CREB1: variants seen among roughly 807,000 people sequenced by gnomAD.
CREB1 encodes cAMP responsive element binding protein 1.
Under a neutral mutation model 42.0 loss-of-function variants are expected in CREB1, and 2 were observed. The ratio of observed to expected loss-of-function variants is 0.05; its 90% confidence interval spans 0.02 to 0.15. The LOEUF (loss-of-function observed/expected upper bound fraction) is 0.15, where lower values mean the gene tolerates loss of function less well. Among genes scored for constraint, CREB1 ranks in the 10% least tolerant of loss-of-function variants. The probability of loss-of-function intolerance (pLI) is 1.00; values close to 1 mark genes in which losing one functional copy is unlikely to be tolerated. For missense variants in CREB1, 199 were observed against 388.9 expected, an observed-to-expected ratio of 0.51 and a Z score of 4.11; for synonymous variants, 123 against 139.9, an observed-to-expected ratio of 0.88 and a Z score of 0.85.
intron 2 of CREB1, among the ~76,000 whole-genome samples, chr2:207,558,700 A>G (rs896626167): frequency 6.8e-6 from 1 of 147,996 alleles, no homozygotes; most frequent in African/African-American, 2.5e-5. Context: ...GCTGGAGTGC[A>G]ATGGCGCGAT....
rs2086894144 is a variant in CREB1 at position 207,600,697 on chromosome 2, G to A, written c.*3639G>A. 4.7e-6 allele frequency: 1 copy of A among 211,416 alleles called. No homozygotes were observed. Among genetic ancestry groups the A allele is most frequent in the East Asian group, 7.0e-5 (1 of 14,188 alleles). The allele number at this position is 211,416 out of a possible 1,614,324, so 13.1% of individuals were successfully genotyped here. A position where few individuals can be genotyped will look rare whatever the true frequency, so the allele number is the denominator to read the frequency against. On this transcript the variant is annotated 3_prime_UTR_variant, in exon 8 of 8. Coordinates refer to ENST00000353267, the MANE Select transcript of CREB1 (RefSeq NM_004379.5). The stretch of plus-strand genomic sequence containing the variant: ...AATGTGTTTTGATGGTAGGTCAGCA[G>A]CAGTGCTAGTCTCTGAAAGCACAAT...
intron 3 of CREB1, among the ~76,000 whole-genome samples, chr2:207,565,579 A>T (rs925347733): frequency 6.6e-6 from 1 of 152,074 alleles, no homozygotes; most frequent in Admixed American, 6.6e-5. Flanking sequence ...TTTCATTTCA[A>T]AACTATCCTG....
chr2:207,585,147 C>A (rs1361087959), intron 7 of CREB1, among the ~76,000 whole-genome samples: 8 of 152,158 alleles, frequency 5.3e-5, no homozygotes, highest in Non-Finnish European at 1.2e-4. Flanking sequence ...TCACATTGGC[C>A]ACCCAGAGGC....
chr2:207,589,830 T>C lies in CREB1; in HGVS notation c.840-7084T>C, dbSNP rs73056948. 2.6e-3 allele frequency among the ~76,000 whole-genome samples: 393 copies of C among 152,360 alleles called. 1 individual carries two copies. Among genetic ancestry groups the C allele is most frequent in the African/African-American group, 9.1e-3 (380 of 41,588 alleles). ...CCAATTGGTCATGAAGTATCATTTA[T>C]ACATTGCTGGATTCAATTTGCTAAT... On this transcript the variant is annotated intron_variant, in intron 7 of 7. Coordinates refer to ENST00000353267, the MANE Select transcript of CREB1 (RefSeq NM_004379.5).
intron 6 of CREB1, chr2:207,576,993 T>G: frequency 3.3e-6 from 3 of 896,160 alleles, no homozygotes; most frequent in Non-Finnish European, 2.7e-6. Flanking sequence ...GATACACTTT[T>G]TCATACTTTT....
chr2:207,531,642 C>G (rs1044802206), intron 1 of CREB1, among the ~76,000 whole-genome samples: 4 of 152,188 alleles, frequency 2.6e-5, no homozygotes, highest in African/African-American at 9.7e-5. Context: ...ATTTATGGCT[C>G]ATTTCGTGAT....
intron 7 of CREB1, chr2:207,582,156 A>G (rs1315825564): frequency 1.4e-6 from 1 of 702,762 alleles, no homozygotes; most frequent in Non-Finnish European, 2.6e-6. Flanking sequence ...ATTAAATTCC[A>G]CCTCCTAAAA....
Position 207,567,457 on chromosome 2 carries a change from T to C in CREB1, c.262-6T>C. The C allele has an allele frequency of 6.3e-7, 1 of 1,595,064 alleles. No homozygotes were observed. The highest frequency in any genetic ancestry group is 8.6e-7 in the Non-Finnish European group (1 of 1,167,650). On this transcript the variant is annotated splice_polypyrimidine_tract_variant and splice_region_variant and intron_variant, in intron 3 of 7. Coordinates refer to ENST00000353267, the MANE Select transcript of CREB1 (RefSeq NM_004379.5). ...TTATCAATATGAAGTTTTTCTTTAA[T>C]TTCAGATTTCAACTATTGCAGAAAG...
intron 7 of CREB1, among the ~76,000 whole-genome samples, chr2:207,590,377 G>T (rs972810746): frequency 1.3e-5 from 2 of 151,328 alleles, no homozygotes; most frequent in Admixed American, 6.6e-5. Context: ...CTGGCTAAAG[G>T]TTTATCAATT....
At position 207,600,209 on chromosome 2, in the gene CREB1, G is replaced by A. The variant is rs2106636849; in HGVS notation, c.*3151G>A. The A allele has an allele frequency of 5.9e-6, 1 of 170,914 alleles. No homozygotes were observed. The highest frequency in any genetic ancestry group is 6.7e-5 in the Admixed American group (1 of 14,864). The allele number at this position is 170,914 out of a possible 1,614,324, so 10.6% of individuals were successfully genotyped here. A position where few individuals can be genotyped will look rare whatever the true frequency, so the allele number is the denominator to read the frequency against. ...CTCTCTTCATTTAGATATTCTTGGG[G>A]GGGGTGGCATTTGTATAATATATGT... On this transcript the variant is annotated 3_prime_UTR_variant, in exon 8 of 8. Transcript: ENST00000353267.
At chr2:207,537,470 G>A (rs1444539325) in intron 1 of CREB1, among the ~76,000 whole-genome samples, 1 of 152,184 alleles carries the variant, frequency 6.6e-6, no homozygotes, top group African/African-American at 2.4e-5. Context: ...CAGTGTCATG[G>A]AATCATCAGT....
chr2:207,572,571 T>C (rs2082410809), intron 5 of CREB1, among the ~76,000 whole-genome samples: 1 of 152,208 alleles, frequency 6.6e-6, no homozygotes, highest in Admixed American at 6.5e-5. Flanking sequence ...ACATTTCTAT[T>C]GTTTCAAACA....
chr2:207,580,120 A>T (rs2082798919), intron 7 of CREB1, among the ~76,000 whole-genome samples: 1 of 152,212 alleles, frequency 6.6e-6, no homozygotes, highest in South Asian at 2.1e-4. Context: ...GTGAGGTAGA[A>T]GCTTATCCCC....
chr2:207,530,238 G>A (rs1485572990), intron 1 of CREB1, 104 bp downstream of exon 1: 1 of 152,334 alleles, frequency 6.6e-6, no homozygotes, highest in Admixed American at 6.5e-5. Context: ...CCCCTCGCAG[G>A]AGGGGCCGCG....
intron 4 of CREB1, among the ~76,000 whole-genome samples, chr2:207,568,942 A>G (rs561057698): frequency 6.6e-5 from 10 of 151,978 alleles, no homozygotes; most frequent in Admixed American, 3.9e-4. Flanking sequence ...TGTCGTTTTC[A>G]TTTCTTTCCT....
At chr2:207,535,814 ATTTATT>A (rs2080847548) in intron 1 of CREB1, among the ~76,000 whole-genome samples, 1 of 148,002 alleles carries the variant, frequency 6.8e-6, no homozygotes, top group South Asian at 2.1e-4. Context: ...TTATTTATTT[ATTTATT>A]TTTATTTATT....
Position 207,571,678 on chromosome 2 carries a change from T to C in CREB1, c.505+1357T>C. Reference sequence around the variant, plus strand: ...CCTCATACCAGATGCTTTTAGTTATTCAAGATATGTGTTCGAAGACATTGA... The same window carrying C: ...CCTCATACCAGATGCTTTTAGTTATCCAAGATATGTGTTCGAAGACATTGA... On this transcript the variant is annotated intron_variant, in intron 5 of 7. Transcript: ENST00000353267. 2 of 449,196 alleles carry C rather than the reference T, an allele frequency of 4.5e-6. 1 individual carries two copies. Among genetic ancestry groups the C allele is most frequent in the South Asian group, 3.2e-5 (2 of 63,398 alleles). The allele number at this position is 449,196 out of a possible 1,614,324, so 27.8% of individuals were successfully genotyped here.
chr2:207,560,237 A>C lies in CREB1; in HGVS notation c.126A>C (p.Pro42=). 1 of 1,609,128 alleles carries C rather than the reference A, an allele frequency of 6.2e-7. No individual in the cohort carries two copies. Among genetic ancestry groups the C allele is most frequent in the Non-Finnish European group, 8.5e-7 (1 of 1,176,298 alleles). The part of the protein sequence containing the change: ...QIATLAQVSM[P]AAHATSSAPT... ...GTTCAACACCATAGGTATCTATGCC[A>C]GCAGCTCATGCAACATCATCTGCTC... is the stretch of plus-strand genomic sequence containing the variant. The change falls in exon 3 of 8, where the codon CCA becomes CCC. Residue 42 remains proline, a synonymous_variant. Transcript: ENST00000353267.
At chr2:207,545,606 C>G (rs1175222728) in intron 1 of CREB1, among the ~76,000 whole-genome samples, 1 of 151,996 alleles carries the variant, frequency 6.6e-6, no homozygotes, top group African/African-American at 2.4e-5. Context: ...ATGCTGTAGT[C>G]GTTACTACGT....
Sources: allele counts gnomAD v4.1 joint callset (sites outside exome capture counted in the v4.1 genomes callset), GRCh38; gene constraint gnomAD v4.1.1; transcripts MANE v1.5; gene names NCBI Gene and HGNC (gene_info 2026-07-23, HGNC 2026-07-21).